The following AP3M1 variants were observed in gnomAD, a reference collection of about 807,000 sequenced individuals.
AP3M1 encodes the protein AP-3 complex subunit mu-1.
In AP3M1, 29 loss-of-function variants were observed where a neutral mutation model predicts 42.6. The observed-to-expected ratio is 0.68, with a 90% confidence interval of 0.51 to 0.93. The LOEUF (loss-of-function observed/expected upper bound fraction) is 0.93. AP3M1 is among the 40% of genes least tolerant of loss of function. The pLI, the probability that AP3M1 is intolerant of heterozygous loss-of-function variation, is 0.00. For missense variants in AP3M1, 416 were observed against 510.2 expected, an observed-to-expected ratio of 0.82 and a Z score of 1.78; for synonymous variants, 178 against 175.3, an observed-to-expected ratio of 1.02 and a Z score of -0.12.
At chr10:74,128,995 T>C (rs1840697210) in intron 6 of AP3M1, 113 bp downstream of exon 6, 2 of 1,282,374 alleles carry the variant, frequency 1.6e-6, no homozygotes, top group African/African-American at 1.5e-5. Flanking sequence ...TGGTGAGCTA[T>C]GGTTAAAGTG....
chr10:74,131,171 ATT>A (rs921626903), intron 4 of AP3M1, among the ~76,000 whole-genome samples: 2 of 150,070 alleles, frequency 1.3e-5, no homozygotes, highest in Non-Finnish European at 3.0e-5. Flanking sequence ...TTTTTTTTTA[ATT>A]TTTTTTTTGA....
intron 6 of AP3M1, among the ~76,000 whole-genome samples, chr10:74,128,382 G>C (rs1009689262): frequency 5.9e-5 from 9 of 151,704 alleles, no homozygotes; most frequent in Admixed American, 2.0e-4. Context: ...AGATTATATA[G>C]GCACACGCTA....
rs1408361823 is a variant in AP3M1, at chr10:74,129,133, T to C, written c.778A>G (p.Ile260Val). Residue 260 changes from isoleucine (I) to valine (V), a missense_variant, in exon 6 of 9, where the codon ATA becomes GTA. Ile to Val is a conservative substitution (Grantham distance 29). Coordinates refer to ENST00000355264, the MANE Select transcript of AP3M1 (RefSeq NM_012095.6). ...FIPPDGNFRL[I>V]SYRVSSQNLV... ...TTTTGTGAGCTGACACGGTATGATATGAGTCGGAAATTTCCATCTGGAGGA... is the reference window on the plus strand; with the variant it reads ...TTTTGTGAGCTGACACGGTATGATACGAGTCGGAAATTTCCATCTGGAGGA... The C allele has an allele frequency of 1.2e-6, 2 of 1,614,046 alleles. No homozygotes were observed. The highest frequency in any genetic ancestry group is 3.3e-5 in the Admixed American group (2 of 59,990).
At chr10:74,137,948 G>A (rs765510473) in intron 2 of AP3M1, among the ~76,000 whole-genome samples, 159 bp downstream of exon 2, 3 of 152,054 alleles carry the variant, frequency 2.0e-5, no homozygotes, top group Non-Finnish European at 2.9e-5. Flanking sequence ...AGCCATGTGT[G>A]TAACTGTATA....
intron 6 of AP3M1, among the ~76,000 whole-genome samples, chr10:74,127,510 T>G (rs1442029298): frequency 6.6e-6 from 1 of 151,248 alleles, no homozygotes; most frequent in Admixed American, 6.6e-5. Context: ...AAAACAAAAA[T>G]TAGCTGGGCG....
At chr10:74,138,508 A>C in intron 1 of AP3M1, 126 bp from the exon 2 acceptor site, 1 of 780,044 alleles carries the variant, frequency 1.3e-6, no homozygotes, top group South Asian at 2.0e-5. Flanking sequence ...AACATACAAA[A>C]ATCAATCAAC....
At chr10:74,142,418 C>T (rs1841182915) in intron 1 of AP3M1, among the ~76,000 whole-genome samples, 1 of 152,156 alleles carries the variant, frequency 6.6e-6, no homozygotes, top group African/African-American at 2.4e-5. Flanking sequence ...TTTATGAAAG[C>T]GGCTGACATT....
At chr10:74,144,511 T>C (rs1232580674) in intron 1 of AP3M1, among the ~76,000 whole-genome samples, 1 of 151,892 alleles carries the variant, frequency 6.6e-6, no homozygotes, top group African/African-American at 2.4e-5. Flanking sequence ...TCAAGTGATC[T>C]TCCCACCTTG....
intron 4 of AP3M1, among the ~76,000 whole-genome samples, chr10:74,133,315 A>C (rs1840837227): frequency 6.6e-6 from 1 of 150,672 alleles, no homozygotes; most frequent in Non-Finnish European, 1.5e-5. Context: ...AACTGCTTGA[A>C]CCCGGGAGGC....
chr10:74,137,179 G>T (rs1339652015), intron 2 of AP3M1, among the ~76,000 whole-genome samples: 1 of 152,190 alleles, frequency 6.6e-6, no homozygotes, highest in Non-Finnish European at 1.5e-5. Context: ...GGCGGAGGTT[G>T]CGGTGAGCCA....
At chr10:74,134,792 C>T (rs188346944) in intron 3 of AP3M1, among the ~76,000 whole-genome samples, 29 of 152,106 alleles carry the variant, frequency 1.9e-4, no homozygotes, top group African/African-American at 5.5e-4. Context: ...ATTTCCCATT[C>T]GAAAGTACTA....
chr10:74,134,255 G>A (rs1293381082), intron 3 of AP3M1, 91 bp from the exon 4 acceptor site: 1 of 1,377,908 alleles, frequency 7.3e-7, no homozygotes, highest in Non-Finnish European at 9.8e-7. Context: ...CTTCTTCAAT[G>A]TTTGGATTTT....
intron 4 of AP3M1, among the ~76,000 whole-genome samples, 168 bp downstream of exon 4, chr10:74,133,859 T>C (rs1002165826): frequency 2.6e-5 from 4 of 152,072 alleles, no homozygotes; most frequent in Non-Finnish European, 5.9e-5. Flanking sequence ...TTTCACCATG[T>C]TGGCCAGGCT....
At position 74,120,373 on chromosome 10, in the gene AP3M1, T is replaced by TGAAG. The variant is rs1233903334; in HGVS notation, c.*3433_*3436dup. On this transcript the variant is annotated 3_prime_UTR_variant, in exon 9 of 9. Transcript: ENST00000355264. ...AAGACAACCCTGGGGATTACACACT[T>TGAAG]GAAGGAATGGAAGTGGCAAAGGTTA... The TGAAG allele has an allele frequency of 6.6e-6, 1 of 152,216 alleles. No homozygotes were observed. Among genetic ancestry groups the TGAAG allele is most frequent in the African/African-American group, 2.4e-5 (1 of 41,460 alleles). 9.4% of individuals were successfully genotyped at this position (152,216 alleles called of 1,614,324 possible). A position where few individuals can be genotyped will look rare whatever the true frequency, so the allele number is the denominator to read the frequency against.
chr10:74,147,080 C>T (rs933338457), intron 1 of AP3M1, among the ~76,000 whole-genome samples: 10 of 152,046 alleles, frequency 6.6e-5, no homozygotes, highest in Non-Finnish European at 1.0e-4. Flanking sequence ...CTCGGGAGTT[C>T]GAGACCAGCC....
At chr10:74,143,313 G>T (rs775026794) in intron 1 of AP3M1, among the ~76,000 whole-genome samples, 1 of 152,208 alleles carries the variant, frequency 6.6e-6, no homozygotes, top group Non-Finnish European at 1.5e-5. Context: ...GCAGTGGTGT[G>T]ATCTCTGCTG....
In AP3M1 at chr10:74,123,682, T is replaced by G; in HGVS notation, c.*128A>C. 2.7e-6 allele frequency: 2 copies of G among 730,948 alleles called. No individual in the cohort carries two copies. The highest frequency in any genetic ancestry group is 4.8e-6 in the Non-Finnish European group (2 of 418,740). The allele number at this position is 730,948 out of a possible 1,614,324, so 45.3% of individuals were successfully genotyped here. On this transcript the variant is annotated 3_prime_UTR_variant, in exon 9 of 9. Coordinates refer to ENST00000355264, the MANE Select transcript of AP3M1 (RefSeq NM_012095.6). ...CTACATTGATAACTAAGTAACTTTG[T>G]TAGCGGTGTGTAGCTAGACACAAAT...
rs1483281483 is a variant in AP3M1 at position 74,123,662 on chromosome 10, T to C, written c.*148A>G. 1.7e-5 allele frequency: 11 copies of C among 659,446 alleles called. No homozygotes were observed. The highest frequency in any genetic ancestry group is 9.1e-5 in the African/African-American group (5 of 54,840). The allele number at this position is 659,446 out of a possible 1,614,324, so 40.8% of individuals were successfully genotyped here. ...CTTAAAGCTCCTTAAGAATCCTACATTGATAACTAAGTAACTTTGTTAGCG... is the reference window on the plus strand; with the variant it reads ...CTTAAAGCTCCTTAAGAATCCTACACTGATAACTAAGTAACTTTGTTAGCG... On this transcript the variant is annotated 3_prime_UTR_variant, in exon 9 of 9. Transcript: ENST00000355264.
intron 1 of AP3M1, among the ~76,000 whole-genome samples, chr10:74,142,400 C>T (rs1238400250): frequency 1.3e-5 from 2 of 152,178 alleles, no homozygotes; most frequent in African/African-American, 4.8e-5. Flanking sequence ...ACAACATCAA[C>T]CCTTTCTTTT....
Sources: allele counts gnomAD v4.1 joint callset (sites outside exome capture counted in the v4.1 genomes callset), GRCh38; gene constraint gnomAD v4.1.1; transcripts MANE v1.5; gene names NCBI Gene and HGNC (gene_info 2026-07-23, HGNC 2026-07-21).